The following OCLN variants were observed in gnomAD, a reference collection of about 807,000 sequenced individuals.
OCLN encodes the protein occludin.
A neutral mutation model predicts 47.9 loss-of-function variants in OCLN; 21 were observed. The ratio of observed to expected loss-of-function variants is 0.44; its 90% CI spans 0.31 to 0.63. OCLN has a LOEUF of 0.63. Ranked by LOEUF, OCLN falls within the 30% of genes least tolerant of loss-of-function variation. The pLI is 0.08. For synonymous variants in OCLN, 117 were observed against 198.4 expected, an observed-to-expected ratio of 0.59 and a Z score of 3.45; for missense variants, 360 against 571.0, an observed-to-expected ratio of 0.63 and a Z score of 3.77.
intron 1 of OCLN, among the ~76,000 whole-genome samples, chr5:69,497,989 G>C (rs1022260163): frequency 1.3e-5 from 2 of 151,830 alleles, no homozygotes; most frequent in Non-Finnish European, 2.9e-5. Flanking sequence ...AAAATTAGCC[G>C]GGCGTAGTGG....
intron 4 of OCLN, among the ~76,000 whole-genome samples, chr5:69,531,807 C>G (rs577229717): frequency 6.6e-6 from 1 of 152,272 alleles, no homozygotes; most frequent in Non-Finnish European, 1.5e-5. Flanking sequence ...GTGATACTGC[C>G]TGGATACGTC....
At chr5:69,522,250 G>T (rs969189223) in intron 4 of OCLN, among the ~76,000 whole-genome samples, 3 of 152,106 alleles carry the variant, frequency 2.0e-5, no homozygotes, top group South Asian at 2.1e-4. Context: ...CTGTAGTTTC[G>T]TTGGTATTTT....
At chr5:69,520,856 T>C (rs1194010152) in intron 4 of OCLN, among the ~76,000 whole-genome samples, 1 of 152,032 alleles carries the variant, frequency 6.6e-6, no homozygotes, top group Non-Finnish European at 1.5e-5. Context: ...TTTGGTGGGA[T>C]TTTTGTTTTG....
intron 6 of OCLN, among the ~76,000 whole-genome samples, chr5:69,547,628 T>C (rs1228597395): frequency 5.4e-5 from 7 of 129,958 alleles, no homozygotes; most frequent in Admixed American, 5.4e-4. Context: ...ATTATTGATA[T>C]TGTGTATGGG....
Position 69,554,472 on chromosome 5 carries a change from C to T in OCLN, c.*801C>T, listed in dbSNP as rs1455558914. The T allele has an allele frequency of 2.0e-5, 3 of 151,966 alleles. No homozygotes were observed. Among genetic ancestry groups the T allele is most frequent in the African/African-American group, 7.3e-5 (3 of 41,352 alleles). The allele number at this position is 151,966 out of a possible 1,614,324, so 9.4% of individuals were successfully genotyped here. On this transcript the variant is annotated 3_prime_UTR_variant, in exon 9 of 9. Transcript: ENST00000396442. ...TTCATTATATCAGAATATCTGATTACATTTATAATTCAATTGTGACTTGAA... is the reference window on the plus strand; with the variant it reads ...TTCATTATATCAGAATATCTGATTATATTTATAATTCAATTGTGACTTGAA...
In OCLN at chr5:69,514,090, C is replaced by A; in HGVS notation, c.872C>A (p.Pro291His). Reference protein sequence around the residue: ...WDKEHIYDEQPPNVEEWVKNV... With the variant: ...WDKEHIYDEQHPNVEEWVKNV... ...AAGGAACACATTTATGATGAGCAGC[C>A]CCCCAATGTCGAGGAGTGGGTAAGT... is the stretch of plus-strand genomic sequence containing the variant. Residue 291 changes from proline (P) to histidine (H), a missense_variant, in exon 4 of 9, where the codon CCC becomes CAC. Coordinates refer to ENST00000396442, the MANE Select transcript of OCLN (RefSeq NM_001205254.2). 6.2e-7 allele frequency: 1 copy of A among 1,613,970 alleles called. No individual in the cohort carries two copies. Among genetic ancestry groups the A allele is most frequent in the Non-Finnish European group, 8.5e-7 (1 of 1,179,938 alleles).
chr5:69,510,908 A>G (rs1396550104), intron 3 of OCLN, among the ~76,000 whole-genome samples: 2 of 152,060 alleles, frequency 1.3e-5, no homozygotes, highest in African/African-American at 2.4e-5. Flanking sequence ...CCTCACCAAC[A>G]CTTGTTATTG....
chr5:69,505,443 G>T (rs533029826), intron 2 of OCLN, among the ~76,000 whole-genome samples: 1 of 152,128 alleles, frequency 6.6e-6, no homozygotes, highest in African/African-American at 2.4e-5. Context: ...TCACCTCCCA[G>T]TTCCATCAGC....
chr5:69,538,345 AC>A (rs1272036558), intron 5 of OCLN, among the ~76,000 whole-genome samples: 4 of 152,176 alleles, frequency 2.6e-5, no homozygotes, highest in African/African-American at 9.6e-5. Flanking sequence ...TCACTCCGTT[AC>A]CCAGGCTGGA....
chr5:69,519,451 T>G (rs992719320), intron 4 of OCLN, among the ~76,000 whole-genome samples: 15 of 152,226 alleles, frequency 9.9e-5, no homozygotes, highest in African/African-American at 3.4e-4. Flanking sequence ...TCTGCCCTTC[T>G]TAGGGCTTTT....
rs368281009 is a variant in OCLN, at chr5:69,509,146, C to A, written c.56C>A (p.Pro19Gln). ...TATTTTCATGTTCATTTCAGCAAAC[C>A]GAATCATTATGCACCAAGCAATGAC... ...PPPYRPDEFK[P>Q]NHYAPSNDIY... The change falls in exon 3 of 9, where the codon CCG becomes CAG. Residue 19 changes from proline to glutamine, a missense_variant. Coordinates refer to ENST00000396442, the MANE Select transcript of OCLN (RefSeq NM_001205254.2). The A allele has an allele frequency of 5.5e-5, 88 of 1,613,316 alleles. No homozygotes were observed. Among genetic ancestry groups the A allele is most frequent in the Non-Finnish European group, 7.4e-5 (87 of 1,179,422 alleles).
intron 4 of OCLN, among the ~76,000 whole-genome samples, chr5:69,516,147 G>T (rs1046322506): frequency 9.2e-5 from 14 of 151,872 alleles, no homozygotes; most frequent in Non-Finnish European, 1.9e-4. Context: ...AAGGCAGGCG[G>T]CTGGGAGGTG....
chr5:69,533,082 T>C (rs1309343606), intron 4 of OCLN, among the ~76,000 whole-genome samples: 1 of 145,786 alleles, frequency 6.9e-6, no homozygotes, highest in Non-Finnish European at 1.5e-5. Context: ...CACACATATA[T>C]ATATATACAC....
chr5:69,509,933 CTTCTAA>C, intron 3 of OCLN, 114 bp downstream of exon 3: 1 of 827,324 alleles, frequency 1.2e-6, no homozygotes, highest in South Asian at 1.4e-5. Context: ...CAAGGCTCCA[CTTCTAA>C]TTAAATCTGG....
chr5:69,496,697 T>C (rs1011787690), intron 1 of OCLN, among the ~76,000 whole-genome samples: 1 of 152,018 alleles, frequency 6.6e-6, no homozygotes, highest in Non-Finnish European at 1.5e-5. Flanking sequence ...TGAGCCACCT[T>C]GCCCAGCCTC....
chr5:69,509,854 C>A, intron 3 of OCLN, 35 bp downstream of exon 3: 2 of 1,486,448 alleles, frequency 1.3e-6, no homozygotes, highest in African/African-American at 1.4e-5. Context: ...TCTCCATCTC[C>A]TTAGCAGAGG....
chr5:69,533,099 A>ACT (rs1359745581), intron 4 of OCLN, among the ~76,000 whole-genome samples: 4 of 140,240 alleles, frequency 2.9e-5, no homozygotes, highest in Non-Finnish European at 6.0e-5. Flanking sequence ...ACACACACAC[A>ACT]CACACACACA....
rs1014475193 is a variant in OCLN, at chr5:69,514,020, CGAA to C, written c.806_808del (p.Arg269del). ...AATAATTTTCTTTGCTGTGAAAACT[CGAA>C]GAAAGATGGACAGGTATGACAAGTC... On this transcript the variant is annotated inframe_deletion, in exon 4 of 9. Transcript: ENST00000396442. 11 of 1,613,446 alleles carry C rather than the reference CGAA, an allele frequency of 6.8e-6. No individual in the cohort carries two copies. In the African/African-American group the frequency reaches 9.4e-5, roughly 14 times the overall value.
At chr5:69,528,072 G>A (rs1006461135) in intron 4 of OCLN, among the ~76,000 whole-genome samples, 10 of 152,192 alleles carry the variant, frequency 6.6e-5, no homozygotes, top group African/African-American at 2.4e-4. Context: ...ATTAGTAGAT[G>A]TGGGACCGTC....
Sources: gnomAD v4.1 joint callset for allele counts (sites outside exome capture counted in the v4.1 genomes callset) on GRCh38, gnomAD v4.1.1 for gene constraint, MANE v1.5 for transcripts, NCBI Gene and HGNC (gene_info 2026-07-23, HGNC 2026-07-21) for gene names.